DHRS7B: variants seen among roughly 807,000 people sequenced by gnomAD.
The protein encoded by DHRS7B is peroxisomal reductase activating PPAR-gamma.
A neutral mutation model predicts 26.4 loss-of-function variants in DHRS7B; 24 were observed. The ratio of observed to expected loss-of-function variants is 0.91; its 90% CI spans 0.66 to 1.28. DHRS7B has a LOEUF of 1.28. Ranked by LOEUF, DHRS7B falls within the 50% of genes most tolerant of loss-of-function variation. DHRS7B has a pLI of 0.00. For synonymous variants in DHRS7B, 142 were observed against 166.4 expected, an observed-to-expected ratio of 0.85 and a Z score of 1.13; for missense variants, 368 against 419.4, an observed-to-expected ratio of 0.88 and a Z score of 1.07.
intron 1 of DHRS7B, among the ~76,000 whole-genome samples, chr17:21,144,577 A>G (rs1161797983): frequency 1.3e-5 from 2 of 152,052 alleles, no homozygotes; most frequent in Non-Finnish European, 2.9e-5. Flanking sequence ...CAGCACTCTG[A>G]GAGGCCAAGG....
chr17:21,144,251 A>G (rs1015265186), intron 1 of DHRS7B, among the ~76,000 whole-genome samples: 6 of 152,204 alleles, frequency 3.9e-5, no homozygotes, highest in Non-Finnish European at 8.8e-5. Context: ...GTCTTATCTT[A>G]TAAGTGCCTA....
At chr17:21,136,097 G>T (rs1174579896) in intron 1 of DHRS7B, among the ~76,000 whole-genome samples, 2 of 151,950 alleles carry the variant, frequency 1.3e-5, no homozygotes, top group Non-Finnish European at 2.9e-5. Flanking sequence ...TCAGGAGTTC[G>T]AGACTAGCCT....
At chr17:21,139,628 C>T (rs879931760) in intron 1 of DHRS7B, among the ~76,000 whole-genome samples, 3 of 151,670 alleles carry the variant, frequency 2.0e-5, no homozygotes, top group East Asian at 3.9e-4. Flanking sequence ...GAGCCAAGAT[C>T]GCGCCACTGC....
intron 1 of DHRS7B, chr17:21,169,025 C>A: frequency 3.3e-6 from 2 of 598,572 alleles, no homozygotes; most frequent in South Asian, 7.4e-5. Flanking sequence ...GGTTTATTTT[C>A]ATCCTGCTCC....
chr17:21,174,440 C>A (rs949861036), intron 2 of DHRS7B, among the ~76,000 whole-genome samples: 3 of 152,242 alleles, frequency 2.0e-5, no homozygotes, highest in Non-Finnish European at 4.4e-5. Context: ...GGCGTGCCAG[C>A]GGCACTGGAC....
intron 1 of DHRS7B, among the ~76,000 whole-genome samples, chr17:21,136,985 T>G (rs556213914): frequency 1.3e-5 from 2 of 151,450 alleles, no homozygotes; most frequent in African/African-American, 2.4e-5. Flanking sequence ...TTTTTTTTTT[T>G]TGTGAGACAG....
At chr17:21,143,662 C>G (rs1309337591) in intron 1 of DHRS7B, among the ~76,000 whole-genome samples, 1 of 152,136 alleles carries the variant, frequency 6.6e-6, no homozygotes, top group Non-Finnish European at 1.5e-5. Context: ...CTCATTTTAA[C>G]CCACGAGATT....
intron 3 of DHRS7B, among the ~76,000 whole-genome samples, chr17:21,180,886 C>T (rs1272089539): frequency 6.6e-6 from 1 of 152,058 alleles, no homozygotes. Flanking sequence ...TCTATTGGTC[C>T]CTTTGGGGAG....
intron 1 of DHRS7B, among the ~76,000 whole-genome samples, chr17:21,167,742 T>A (rs113195016): frequency 0.02 from 2,979 of 152,330 alleles, 95 homozygotes; most frequent in African/African-American, 0.068. Context: ...GCCAGATATT[T>A]TTTCCCAGTC....
intron 1 of DHRS7B, among the ~76,000 whole-genome samples, chr17:21,144,679 A>C (rs112058390): frequency 0.02 from 2,984 of 152,130 alleles, 96 homozygotes; most frequent in African/African-American, 0.069. Flanking sequence ...TTAGCCAGGC[A>C]TAGTGGTGCG....
rs1010300201 is a variant in DHRS7B, at chr17:21,177,063, T to G, written c.200-1170T>G. Among the ~76,000 whole-genome samples, 6 of 152,154 alleles carry G rather than the reference T, an allele frequency of 3.9e-5. No individual in the cohort carries two copies. In the South Asian group the frequency reaches 8.3e-4, roughly 21 times the overall value. Reference sequence around the variant, plus strand: ...CCCCAGTTCTCATGGTTTACCCTGCTGCGTCCAGGGGGTTTCTCGTCAGGC... The same window carrying G: ...CCCCAGTTCTCATGGTTTACCCTGCGGCGTCCAGGGGGTTTCTCGTCAGGC... On this transcript the variant is annotated intron_variant, in intron 2 of 6. Coordinates refer to ENST00000395511, the MANE Select transcript of DHRS7B (RefSeq NM_015510.5).
At chr17:21,157,148 T>C (rs988535581) in intron 1 of DHRS7B, among the ~76,000 whole-genome samples, 2 of 152,068 alleles carry the variant, frequency 1.3e-5, no homozygotes, top group Non-Finnish European at 2.9e-5. Context: ...TAAGAAAGAA[T>C]TATACCAATT....
At chr17:21,146,837 T>C (rs1324033746) in intron 1 of DHRS7B, among the ~76,000 whole-genome samples, 1 of 152,230 alleles carries the variant, frequency 6.6e-6, no homozygotes. Flanking sequence ...TACTGGTTAG[T>C]GAGGAAACGT....
intron 5 of DHRS7B, among the ~76,000 whole-genome samples, chr17:21,187,127 G>A (rs1259236032): frequency 1.4e-5 from 2 of 140,422 alleles, no homozygotes; most frequent in Non-Finnish European, 1.5e-5. Context: ...TATATAAAAT[G>A]TGTAAAATCA....
At chr17:21,167,153 G>A (rs1288022834) in intron 1 of DHRS7B, among the ~76,000 whole-genome samples, 1 of 152,166 alleles carries the variant, frequency 6.6e-6, no homozygotes, top group African/African-American at 2.4e-5. Context: ...ATTTCTTGGT[G>A]ATAGTCTCAT....
At chr17:21,137,614 C>T (rs1320299541) in intron 1 of DHRS7B, among the ~76,000 whole-genome samples, 5 of 152,210 alleles carry the variant, frequency 3.3e-5, no homozygotes, top group East Asian at 1.9e-4. Context: ...TGTGCCACCA[C>T]GCCAGGCTAG....
chr17:21,157,713 G>A (rs986508908), intron 1 of DHRS7B, among the ~76,000 whole-genome samples: 9 of 151,908 alleles, frequency 5.9e-5, no homozygotes, highest in African/African-American at 2.2e-4. Context: ...CAAAACTAAT[G>A]TAATCTGGCT....
intron 1 of DHRS7B, among the ~76,000 whole-genome samples, chr17:21,153,251 TGAA>T (rs1233966572): frequency 6.6e-6 from 1 of 151,526 alleles, no homozygotes; most frequent in East Asian, 1.9e-4. Flanking sequence ...ACAACAGAAA[TGAA>T]GAATGCCTCT....
intron 1 of DHRS7B, among the ~76,000 whole-genome samples, chr17:21,154,759 A>G (rs991649876): frequency 2.0e-5 from 3 of 152,248 alleles, no homozygotes; most frequent in African/African-American, 7.2e-5. Flanking sequence ...ATATAAATGA[A>G]CATAAATATG....
Sources: allele counts gnomAD v4.1 joint callset (sites outside exome capture counted in the v4.1 genomes callset), GRCh38; gene constraint gnomAD v4.1.1; transcripts MANE v1.5; gene names NCBI Gene and HGNC (gene_info 2026-07-23, HGNC 2026-07-21).